The following DLGAP2 variants were observed in gnomAD, a reference collection of about 807,000 sequenced individuals.
DLGAP2 encodes the protein DLG associated protein 2, also known as disks large-associated protein 2.
In DLGAP2, 26 loss-of-function variants were observed where a neutral mutation model predicts 100.3. That is an observed-to-expected ratio of 0.26 (90% CI 0.19 to 0.36). The LOEUF (loss-of-function observed/expected upper bound fraction) is 0.36. Ranked by LOEUF, DLGAP2 falls within the 10% of genes least tolerant of loss-of-function variation. The pLI is 1.00. For synonymous variants in DLGAP2, 886 were observed against 630.1 expected, an observed-to-expected ratio of 1.41 and a Z score of -6.08; for missense variants, 1,858 against 1,453.2, an observed-to-expected ratio of 1.28 and a Z score of -4.53.
At chr8:911,571 A>C (rs1023270328) in intron 2 of DLGAP2, among the ~76,000 whole-genome samples, 5 of 151,482 alleles carry the variant, frequency 3.3e-5, no homozygotes, top group Non-Finnish European at 5.9e-5. Flanking sequence ...ATATGTTGGA[A>C]GGATGTGTGT....
intron 2 of DLGAP2, among the ~76,000 whole-genome samples, chr8:1,088,799 C>G (rs1804066335): frequency 1.1e-5 from 1 of 94,072 alleles, no homozygotes; most frequent in Non-Finnish European, 2.2e-5. Flanking sequence ...CTCCCCCCAC[C>G]CCACTCTCTC....
At chr8:1,184,670 G>C (rs937034232) in intron 2 of DLGAP2, among the ~76,000 whole-genome samples, 7 of 152,208 alleles carry the variant, frequency 4.6e-5, no homozygotes, top group African/African-American at 1.7e-4. Context: ...CTCGGAGTTT[G>C]CGGGAAACAG....
intron 4 of DLGAP2, among the ~76,000 whole-genome samples, chr8:1,510,278 G>T (rs1054227513): frequency 6.6e-6 from 1 of 152,250 alleles, no homozygotes; most frequent in Non-Finnish European, 1.5e-5. Flanking sequence ...TCAGCCTGTG[G>T]CTGTGAAGTG....
intron 3 of DLGAP2, among the ~76,000 whole-genome samples, chr8:1,410,671 C>A (rs1796703005): frequency 6.6e-6 from 1 of 152,180 alleles, no homozygotes; most frequent in Non-Finnish European, 1.5e-5. Context: ...AAGTGTGTTT[C>A]ACGCACGGCA....
rs72507647 is a variant in DLGAP2 at position 1,465,496 on chromosome 8, A to G, written c.107-35870A>G. ...GCTCCCAGAACTCTGGGAAGCACCC[A>G]TGTTTGGTGGTTTATTATAAAGGAT... On this transcript the variant is annotated intron_variant, in intron 3 of 14. Transcript: ENST00000637795. 1.5e-3 allele frequency among the ~76,000 whole-genome samples: 230 copies of G among 152,094 alleles called. No individual in the cohort carries two copies. In the East Asian group the frequency reaches 0.03, roughly 20 times the overall value.
At chr8:981,995 C>A (rs1800344922) in intron 2 of DLGAP2, among the ~76,000 whole-genome samples, 1 of 152,220 alleles carries the variant, frequency 6.6e-6, no homozygotes, top group African/African-American at 2.4e-5. Flanking sequence ...TGGAAGTCAT[C>A]TCTGGGCAGT....
chr8:1,359,136 A>AC (rs767441284), intron 3 of DLGAP2, among the ~76,000 whole-genome samples: 3 of 151,668 alleles, frequency 2.0e-5, no homozygotes, highest in Non-Finnish European at 4.4e-5. Context: ...GTGGAGAACC[A>AC]CCCCTCTAGG....
chr8:1,344,136 G>GTACTCGGGGCCCTGTCGTGGGTCTT (rs1563095049), intron 3 of DLGAP2, among the ~76,000 whole-genome samples: 1 of 140,992 alleles, frequency 7.1e-6, no homozygotes, highest in Non-Finnish European at 1.5e-5. Context: ...TCGTGGGTCC[G>GTACTCGGGGCCCTGTCGTGGGTCTT]TGTACTCGGG....
At chr8:890,824 G>C (rs547862702) in intron 1 of DLGAP2, among the ~76,000 whole-genome samples, 1 of 152,054 alleles carries the variant, frequency 6.6e-6, no homozygotes, top group South Asian at 2.1e-4. Flanking sequence ...AGCCACCCTG[G>C]GGCGTTTCCC....
chr8:1,303,096 A>G (rs1041897794), intron 3 of DLGAP2, among the ~76,000 whole-genome samples: 7 of 152,338 alleles, frequency 4.6e-5, no homozygotes, highest in African/African-American at 1.4e-4. Flanking sequence ...GAAAAAGCCA[A>G]TGAATAAAAA....
At chr8:777,493 T>G (rs1320463598) in intron 1 of DLGAP2, among the ~76,000 whole-genome samples, 1 of 151,940 alleles carries the variant, frequency 6.6e-6, no homozygotes, top group Non-Finnish European at 1.5e-5. Context: ...TGGTACCAGT[T>G]GTTCCTTTCC....
chr8:1,537,134 C>G (rs1801180397), intron 4 of DLGAP2, among the ~76,000 whole-genome samples: 1 of 152,056 alleles, frequency 6.6e-6, no homozygotes, highest in East Asian at 1.9e-4. Flanking sequence ...ACCCCTGCAG[C>G]TCTGCAGCCT....
intron 3 of DLGAP2, among the ~76,000 whole-genome samples, chr8:1,353,301 A>G (rs1353611555): frequency 6.6e-6 from 1 of 152,242 alleles, no homozygotes; most frequent in Non-Finnish European, 1.5e-5. Flanking sequence ...GGCTCACAGC[A>G]GTGCGATAAG....
At chr8:1,552,631 G>A (rs1211837283) in intron 5 of DLGAP2, among the ~76,000 whole-genome samples, 1 of 152,182 alleles carries the variant, frequency 6.6e-6, no homozygotes. Context: ...TTCGCAGCCA[G>A]GAAACAGGGA....
In DLGAP2 at chr8:788,819, G is replaced by C. The variant is rs147430998; in HGVS notation, c.18+50994G>C. ...GGGTTCTGTTCTACTTTATCGAAAG[G>C]TTAATGCATCTTTGTGACTTTTTCC... On this transcript the variant is annotated intron_variant, in intron 1 of 14. Coordinates refer to ENST00000637795, the MANE Select transcript of DLGAP2 (RefSeq NM_001346810.2). Among the ~76,000 whole-genome samples the C allele has an allele frequency of 1.4e-3, 219 of 152,308 alleles. 4 individuals carry two copies. The East Asian group carries it at 0.036, about 25-fold the overall frequency.
intron 3 of DLGAP2, among the ~76,000 whole-genome samples, chr8:1,261,550 A>T (rs1563048755): frequency 1.2e-4 from 1 of 8,118 alleles, no homozygotes; most frequent in Non-Finnish European, 2.2e-4. Flanking sequence ...TCTCCAGCCG[A>T]GGGTGGGGGT....
At chr8:892,772 C>G (rs940458799) in intron 1 of DLGAP2, among the ~76,000 whole-genome samples, 11 of 152,138 alleles carry the variant, frequency 7.2e-5, no homozygotes, top group African/African-American at 2.4e-4. Context: ...AGGCCATGCT[C>G]CAGCAGTAGC....
At chr8:1,439,768 C>G (rs1049950592) in intron 3 of DLGAP2, among the ~76,000 whole-genome samples, 2 of 152,052 alleles carry the variant, frequency 1.3e-5, no homozygotes, top group African/African-American at 4.8e-5. Context: ...CCCACCATCC[C>G]CCAGACTGCT....
chr8:1,584,759 G>A lies in DLGAP2; in HGVS notation c.1442+18865G>A, dbSNP rs182247612. On this transcript the variant is annotated intron_variant, in intron 6 of 14. Transcript: ENST00000637795. ...GGAAGCAGCTCACCCCACACCCGGC[G>A]GACCCAACAGGCAGCCATGAAGAAG... is the stretch of plus-strand genomic sequence containing the variant. 4.5e-4 allele frequency among the ~76,000 whole-genome samples: 69 copies of A among 152,210 alleles called. 1 individual carries two copies. Among genetic ancestry groups the A allele is most frequent in the Non-Finnish European group, 6.0e-4 (41 of 68,006 alleles).
Sources: allele counts gnomAD v4.1 joint callset (sites outside exome capture counted in the v4.1 genomes callset), GRCh38; gene constraint gnomAD v4.1.1; transcripts MANE v1.5; gene names NCBI Gene and HGNC (gene_info 2026-07-23, HGNC 2026-07-21).